The following COG3 variants were observed in gnomAD, a reference collection of about 807,000 sequenced individuals.
COG3 encodes the protein component of oligomeric golgi complex 3.
A neutral mutation model predicts 114.1 loss-of-function variants in COG3; 32 were observed. The ratio of observed to expected loss-of-function variants is 0.28; its 90% CI spans 0.21 to 0.38. The LOEUF (loss-of-function observed/expected upper bound fraction) is 0.38, where lower values mean the gene tolerates loss of function less well. Ranked by LOEUF, COG3 falls within the 10% of genes least tolerant of loss-of-function variation. The pLI is 1.00. For missense variants in COG3, 813 were observed against 973.2 expected (o/e 0.84, Z 2.19); for synonymous variants, 352 against 365.7 (o/e 0.96, Z 0.43).
chr13:45,527,551 C>T (rs1297210162), intron 20 of COG3, among the ~76,000 whole-genome samples: 1 of 152,164 alleles, frequency 6.6e-6, no homozygotes, highest in African/African-American at 2.4e-5. Context: ...GGCCTCTCTG[C>T]TCTAAAAACT....
rs866479832 is a variant in COG3 at position 45,503,278 on chromosome 13, A to C, written c.1523A>C (p.Lys508Thr). 2 of 1,604,196 alleles carry C rather than the reference A, an allele frequency of 1.2e-6. No individual in the cohort carries two copies. The highest frequency in any genetic ancestry group is 1.3e-5 in the African/African-American group (1 of 74,830). The change falls in exon 14 of 23, where the codon AAG (lysine) becomes ACG (threonine). Residue 508 changes from lysine (K) to threonine (T), a missense_variant. By Grantham distance (78) the Lys-to-Thr change is moderately conservative (BLOSUM62 -1). Around this residue, in one of 2 missense-constraint regions of COG3, gnomAD observed 389 missense variants for 542.6 expected, o/e 0.72. Transcript: ENST00000349995. ...IAQSLKDEQKKVPSEASFSDV... is the reference protein window; with the variant it reads ...IAQSLKDEQKTVPSEASFSDV... ...CAGAGTTTGAAAGATGAACAGAAGA[A>C]GGTACCTTCAGAAGCTTCATTTTCA...
chr13:45,524,540 G>A lies in COG3; in HGVS notation c.2155-436G>A, dbSNP rs191526714. ...TCTCTGCCTGTGATATAAGAAAAAT[G>A]ATCCTCCATATGTAAAGGAGATTTT... On this transcript the variant is annotated intron_variant, in intron 19 of 22. Coordinates refer to ENST00000349995, the MANE Select transcript of COG3 (RefSeq NM_031431.4). 4.6e-5 allele frequency among the ~76,000 whole-genome samples: 7 copies of A among 152,314 alleles called. No individual in the cohort carries two copies. The East Asian group carries it at 9.6e-4, about 21-fold the overall frequency.
At chr13:45,470,488 A>G (rs1444899473) in intron 1 of COG3, among the ~76,000 whole-genome samples, 1 of 152,248 alleles carries the variant, frequency 6.6e-6, no homozygotes, top group East Asian at 1.9e-4. Context: ...AGAATTATGC[A>G]GTGTAAGGCC....
intron 12 of COG3, among the ~76,000 whole-genome samples, chr13:45,494,290 ACCCCAGCCCAGGC>A: frequency 6.9e-6 from 1 of 145,872 alleles, no homozygotes; most frequent in South Asian, 2.2e-4. Context: ...GCGCCATTAC[ACCCCAGCCCAGGC>A]AACAACAGCA....
intron 7 of COG3, among the ~76,000 whole-genome samples, chr13:45,485,367 G>GC (rs1886549461): frequency 2.3e-4 from 1 of 4,316 alleles, no homozygotes; most frequent in Admixed American, 2.8e-3. Flanking sequence ...GGGCAGAGGC[G>GC]CCCCTCACCT....
At chr13:45,511,487 G>A (rs112563551) in intron 15 of COG3, among the ~76,000 whole-genome samples, 4 of 152,312 alleles carry the variant, frequency 2.6e-5, no homozygotes, top group African/African-American at 9.6e-5. Context: ...AACCATGCCT[G>A]CCTATATTTC....
chr13:45,494,706 T>C (rs971313231), intron 12 of COG3, among the ~76,000 whole-genome samples: 1 of 151,792 alleles, frequency 6.6e-6, no homozygotes, highest in Non-Finnish European at 1.5e-5. Flanking sequence ...ATATTTCTTT[T>C]GTAGAGAGGG....
chr13:45,509,926 T>C, intron 15 of COG3, 110 bp downstream of exon 15: 2 of 1,149,622 alleles, frequency 1.7e-6, no homozygotes, highest in South Asian at 1.7e-5. Context: ...AAATCATGAT[T>C]TTTAGATATG....
At chr13:45,491,254 T>C (rs1887001444) in intron 9 of COG3, among the ~76,000 whole-genome samples, 158 bp from the exon 10 acceptor site, 1 of 152,214 alleles carries the variant, frequency 6.6e-6, no homozygotes, top group South Asian at 2.1e-4. Context: ...TTGCTTTTGT[T>C]TTGTGTCTGT....
chr13:45,503,333 C>T lies in COG3; in HGVS notation c.1578C>T (p.Asn526=), dbSNP rs761798425. 2.5e-6 allele frequency: 4 copies of T among 1,578,494 alleles called. No individual in the cohort carries two copies. The highest frequency in any genetic ancestry group is 1.1e-5 in the South Asian group (1 of 90,192). ...TTCACTTAGAAGAAGGAGAGTCTAA[C>T]AGTCTGACAAAATCTGGTATGTTAT... ...SDVHLEEGES[N]SLTKSGSTES... The change falls in exon 14 of 23, where the codon AAC becomes AAT. Residue 526 remains asparagine (N), a synonymous_variant. Transcript: ENST00000349995.
In COG3 at chr13:45,483,336, C is replaced by G. The variant is rs769443843; in HGVS notation, c.824C>G (p.Thr275Arg). 6.3e-7 allele frequency: 1 copy of G among 1,584,170 alleles called. No homozygotes were observed. Among genetic ancestry groups the G allele is most frequent in the South Asian group, 1.2e-5 (1 of 85,024 alleles). The change falls in exon 7 of 23, where the codon ACA becomes AGA. Residue 275 changes from threonine to arginine, a missense_variant. By Grantham distance (71) the Thr-to-Arg change is moderately conservative. Coordinates refer to ENST00000349995, the MANE Select transcript of COG3 (RefSeq NM_031431.4). ...ACTGTGAACACACTACAGACCCTCA[C>G]AAGTCAGTTACTGAAAAGGGTGAGT... ...TYTVNTLQTL[T>R]SQLLKRDPSS...
intron 13 of COG3, among the ~76,000 whole-genome samples, chr13:45,497,396 AC>A (rs1360740285): frequency 6.6e-6 from 1 of 152,204 alleles, no homozygotes; most frequent in Non-Finnish European, 1.5e-5. Flanking sequence ...ACTCTTAGGT[AC>A]CATTACCTCA....
intron 2 of COG3, among the ~76,000 whole-genome samples, chr13:45,476,832 C>A (rs1566242317): frequency 6.6e-6 from 1 of 152,152 alleles, no homozygotes; most frequent in Non-Finnish European, 1.5e-5. Context: ...ACAGTAGTTT[C>A]TTCTGCCACT....
Position 45,518,730 on chromosome 13 carries a change from A to G in COG3, c.1931-32A>G, listed in dbSNP as rs778050655. ...CATGGCTTTGCTGTTGAAACTTTAC[A>G]TGTTCACTGGATGAGTAATTTTGTT... On this transcript the variant is annotated intron_variant, in intron 17 of 22. Transcript: ENST00000349995. 8 of 1,535,992 alleles carry G rather than the reference A, an allele frequency of 5.2e-6. No homozygotes were observed. In the East Asian group the frequency reaches 1.3e-4, roughly 26 times the overall value.
intron 1 of COG3, among the ~76,000 whole-genome samples, chr13:45,468,806 GCTCCAT>G (rs1392427041): frequency 6.6e-6 from 1 of 152,204 alleles, no homozygotes; most frequent in African/African-American, 2.4e-5. Context: ...GTGTCTGTCT[GCTCCAT>G]CTGGAAGCCA....
At chr13:45,512,041 G>A (rs1870923142) in intron 16 of COG3, 187 bp downstream of exon 16, 3 of 523,980 alleles carry the variant, frequency 5.7e-6, no homozygotes, top group Non-Finnish European at 1.0e-5. Context: ...TACTATATAA[G>A]AGAGTCCAAC....
chr13:45,525,798 T>TAGAA (rs60135433), intron 20 of COG3, among the ~76,000 whole-genome samples: 1 of 151,172 alleles, frequency 6.6e-6, no homozygotes, highest in African/African-American at 2.4e-5. Flanking sequence ...AATATTGTGA[T>TAGAA]AGCCTTTGAA....
intron 13 of COG3, among the ~76,000 whole-genome samples, chr13:45,497,248 T>C (rs1021462117): frequency 6.6e-6 from 1 of 152,190 alleles, no homozygotes; most frequent in African/African-American, 2.4e-5. Flanking sequence ...GATCTTTCAG[T>C]TCCATATATG....
intron 1 of COG3, chr13:45,466,512 T>A (rs1401334683): frequency 6.6e-6 from 1 of 152,212 alleles, no homozygotes; most frequent in Non-Finnish European, 1.5e-5. Context: ...TTTTTCCACC[T>A]CTAGGATATG....
Sources: allele counts gnomAD v4.1 joint callset (sites outside exome capture counted in the v4.1 genomes callset), GRCh38; gene constraint gnomAD v4.1.1; regional missense constraint gnomAD v4.1.1; transcripts MANE v1.5; gene names NCBI Gene and HGNC (gene_info 2026-07-23, HGNC 2026-07-21).